Variants in EVC2 observed in about 807,000 individuals in gnomAD.
EVC2 encodes EvC ciliary complex subunit 2.
A neutral mutation model predicts 149.3 loss-of-function variants in EVC2; 148 were observed. The ratio of observed to expected loss-of-function variants is 0.99; its 90% CI spans 0.87 to 1.14. The LOEUF (loss-of-function observed/expected upper bound fraction) is 1.14, where lower values mean the gene tolerates loss of function less well. EVC2 is among the 50% of genes most tolerant of loss of function. The pLI, the probability that EVC2 is intolerant of heterozygous loss-of-function variation, is 0.00. For synonymous variants in EVC2, 776 were observed against 649.9 expected, an observed-to-expected ratio of 1.19 and a Z score of -2.95; for missense variants, 1,854 against 1,627.3, an observed-to-expected ratio of 1.14 and a Z score of -2.40.
In EVC2 at chr4:5,568,437, C is replaced by G. The variant is rs748684933; in HGVS notation, c.3557+7G>C. ...GCCCCGGGAGGCAGCCCCTCCACGG[C>G]ACTCACCTCCGCCTGCCCACGTCGG... On this transcript the variant is annotated splice_region_variant and intron_variant, in intron 20 of 21. Coordinates refer to ENST00000344408, the MANE Select transcript of EVC2 (RefSeq NM_147127.5). The G allele has an allele frequency of 1.1e-4, 174 of 1,548,370 alleles. No individual in the cohort carries two copies. Among genetic ancestry groups the G allele is most frequent in the Non-Finnish European group, 1.5e-4 (171 of 1,153,694 alleles).
chr4:5,574,491 G>T (rs1362924393), intron 19 of EVC2, among the ~76,000 whole-genome samples, 194 bp downstream of exon 19: 3 of 152,230 alleles, frequency 2.0e-5, no homozygotes, highest in Non-Finnish European at 4.4e-5. Flanking sequence ...TATGGTTGCG[G>T]TTGCTGCCAT....
At chr4:5,629,284 G>A (rs1346048031) in intron 11 of EVC2, among the ~76,000 whole-genome samples, 1 of 152,152 alleles carries the variant, frequency 6.6e-6, no homozygotes, top group African/African-American at 2.4e-5. Flanking sequence ...CCTAACACTG[G>A]GCCAAGAGTG....
chr4:5,649,523 A>G (rs1159085710), intron 9 of EVC2, among the ~76,000 whole-genome samples: 3 of 152,010 alleles, frequency 2.0e-5, no homozygotes, highest in African/African-American at 7.3e-5. Flanking sequence ...CTTATTTCAC[A>G]TAAAAATTAA....
rs779794518 is a variant in EVC2, at chr4:5,565,224, C to G, written c.3659+34G>C. ...GCCCACAGGCAGCTTAGCTCACCCC[C>G]TCCCCAGCCACATGAGCAGGTGCCC... On this transcript the variant is annotated intron_variant, in intron 21 of 21. Coordinates refer to ENST00000344408, the MANE Select transcript of EVC2 (RefSeq NM_147127.5). 3.7e-6 allele frequency: 6 copies of G among 1,607,062 alleles called. No individual in the cohort carries two copies. In the Admixed American group the frequency reaches 5.0e-5, roughly 13 times the overall value.
At chr4:5,594,428 T>C (rs186064166) in intron 16 of EVC2, among the ~76,000 whole-genome samples, 45 of 152,254 alleles carry the variant, frequency 3.0e-4, no homozygotes, top group African/African-American at 1.0e-3. Context: ...AATCCGCTGT[T>C]CTGCAGCCAC....
chr4:5,600,590 A>C (rs1483977360), intron 16 of EVC2, among the ~76,000 whole-genome samples: 1 of 152,200 alleles, frequency 6.6e-6, no homozygotes, highest in Non-Finnish European at 1.5e-5. Flanking sequence ...TGAAAGTTAG[A>C]AACTGGATGA....
chr4:5,661,473 TG>T (rs1718870070), intron 9 of EVC2, among the ~76,000 whole-genome samples: 1 of 152,160 alleles, frequency 6.6e-6, no homozygotes, highest in Non-Finnish European at 1.5e-5. Flanking sequence ...CAAGAAAATA[TG>T]ATCAAAAACT....
In EVC2 at chr4:5,640,588, T is replaced by C. The variant is rs1440497100; in HGVS notation, c.1396A>G (p.Met466Val). 1 of 1,614,034 alleles carries C rather than the reference T, an allele frequency of 6.2e-7. No individual in the cohort carries two copies. The highest frequency in any genetic ancestry group is 8.5e-7 in the Non-Finnish European group (1 of 1,180,046). Residue 466 changes from methionine (M) to valine (V), a missense_variant, in exon 10 of 22, where the codon ATG becomes GTG. Transcript: ENST00000344408. This position sits in a 1 kb window ranked among gnomAD's most constrained non-coding sequence, Gnocchi z 4.6. ...AECDLETRKK[M>V]ENQYQREMMA... ...ATCTCTCTCTGGTACTGGTTTTCCA[T>C]CTTCTTTCTTGTTTCCAGGTCACAT...
rs1437434319 is a variant in EVC2 at position 5,548,962 on chromosome 4, CTTCCTTCCTTCTTTCT to C, written c.3420-5766_3420-5751del. Among the ~76,000 whole-genome samples, 5 of 6,958 alleles carry C rather than the reference CTTCCTTCCTTCTTTCT, an allele frequency of 7.2e-4. No individual in the cohort carries two copies. The Non-Finnish European group carries it at 0.013, about 18-fold the overall frequency. 4.6% of individuals were successfully genotyped at this position (6,958 alleles called of 152,430 possible). ...CCTTCCTTCCTTCCTTCCTTCCTTC[CTTCCTTCCTTCTTTCT>C]TTCTTTCTTCCGTCCCTCCCTCCCT... On this transcript the variant is annotated intron_variant and NMD_transcript_variant, in intron 21 of 22. Transcript: ENST00000475313.
chr4:5,682,503 T>A (rs7686207), intron 6 of EVC2, among the ~76,000 whole-genome samples: 20,448 of 127,754 alleles, frequency 0.16, 1,645 homozygotes, highest in African/African-American at 0.26. Flanking sequence ...AAAAAAAAAA[T>A]AATAATAATA....
At chr4:5,650,336 C>A (rs1319745523) in intron 9 of EVC2, among the ~76,000 whole-genome samples, 3 of 152,014 alleles carry the variant, frequency 2.0e-5, no homozygotes, top group Admixed American at 6.6e-5. Flanking sequence ...CCTGCGCTTC[C>A]CTCCTAACCC....
At chr4:5,646,934 T>G (rs1254927624) in intron 9 of EVC2, among the ~76,000 whole-genome samples, 1 of 152,200 alleles carries the variant, frequency 6.6e-6, no homozygotes, top group Non-Finnish European at 1.5e-5. Context: ...TGTACCTCCC[T>G]GAGGAAAATG....
chr4:5,678,478 T>C (rs373108054), intron 7 of EVC2, among the ~76,000 whole-genome samples: 23 of 152,348 alleles, frequency 1.5e-4, no homozygotes, highest in African/African-American at 4.3e-4. Context: ...TATCTTTTCA[T>C]TGTAGTAAGT....
At chr4:5,584,157 T>C (rs1294657945) in intron 17 of EVC2, among the ~76,000 whole-genome samples, 1 of 152,230 alleles carries the variant, frequency 6.6e-6, no homozygotes, top group Non-Finnish European at 1.5e-5. Context: ...ATAAAAGACC[T>C]AAAATTAGTC....
chr4:5,576,384 G>A lies in EVC2; in HGVS notation c.3128C>T (p.Ala1043Val), dbSNP rs765989585. 6.2e-7 allele frequency: 1 copy of A among 1,613,988 alleles called. No homozygotes were observed. Among genetic ancestry groups the A allele is most frequent in the South Asian group, 1.1e-5 (1 of 91,078 alleles). ...VQQEAAQQQQ[A>V]LASWQQWVAD... Reference sequence around the variant, plus strand: ...CACCCACTGCTGCCAGCTCGCCAGGGCCTGCTGCTGCTGGGCTGCCTCCTG... The same window carrying A: ...CACCCACTGCTGCCAGCTCGCCAGGACCTGCTGCTGCTGGGCTGCCTCCTG... The change falls in exon 18 of 22, where the codon GCC becomes GTC. Residue 1043 changes from alanine (A) to valine (V), a missense_variant. Coordinates refer to ENST00000344408, the MANE Select transcript of EVC2 (RefSeq NM_147127.5). This position sits in a 1 kb window ranked among gnomAD's most constrained non-coding sequence, Gnocchi z 4.5.
chr4:5,565,473 C>T (rs1722219957), intron 20 of EVC2, 114 bp from the exon 21 acceptor site: 2 of 875,632 alleles, frequency 2.3e-6, no homozygotes, highest in African/African-American at 1.7e-5. Context: ...GAGTTCAAGA[C>T]CAGCCTGGCC....
Position 5,689,242 on chromosome 4 carries a change from G to A in EVC2, c.621C>T (p.Asp207=). Residue 207 remains aspartate, a synonymous_variant, in exon 5 of 22, where the codon GAC becomes GAT. Transcript: ENST00000344408. ...SANLSELLLL[D]SIAGLTIWDS... Reference sequence around the variant, plus strand: ...CCCAAATGGTGAGACCAGCAATGCTGTCCAGCAAGAGCAGCTCCGAGAGGT... The same window carrying A: ...CCCAAATGGTGAGACCAGCAATGCTATCCAGCAAGAGCAGCTCCGAGAGGT... 1.2e-6 allele frequency: 2 copies of A among 1,614,236 alleles called. No homozygotes were observed. Among genetic ancestry groups the A allele is most frequent in the Non-Finnish European group, 8.5e-7 (1 of 1,180,052 alleles).
At chr4:5,586,410 C>G (rs1324468482) in intron 16 of EVC2, among the ~76,000 whole-genome samples, 1 of 152,070 alleles carries the variant, frequency 6.6e-6, no homozygotes, top group Non-Finnish European at 1.5e-5. Flanking sequence ...TTCTAAGCCC[C>G]CCCTCAACCA....
rs184519327 is a variant in EVC2, at chr4:5,601,154, C to T, written c.2829+14268G>A. ...AGCCCAGCCACCAGACTGAAGGCCACAGTCTACGGGCCCTGGCTATAGGCT... is the reference window on the plus strand; with the variant it reads ...AGCCCAGCCACCAGACTGAAGGCCATAGTCTACGGGCCCTGGCTATAGGCT... On this transcript the variant is annotated intron_variant, in intron 16 of 21. Coordinates refer to ENST00000344408, the MANE Select transcript of EVC2 (RefSeq NM_147127.5). Among the ~76,000 whole-genome samples the T allele has an allele frequency of 2.6e-5, 4 of 152,276 alleles. No individual in the cohort carries two copies. In the East Asian group the frequency reaches 7.7e-4, roughly 29 times the overall value.
Sources: gnomAD v4.1 joint callset for allele counts (sites outside exome capture counted in the v4.1 genomes callset) on GRCh38, gnomAD v4.1.1 for gene constraint, Gnocchi (gnomAD v3.1) non-coding constraint, MANE v1.5 for transcripts, NCBI Gene and HGNC (gene_info 2026-07-23, HGNC 2026-07-21) for gene names.